The following BCAS3 variants were observed in gnomAD, a reference collection of about 807,000 sequenced individuals.
BCAS3 encodes the protein BCAS3 microtubule associated cell migration factor, also known as BCAS4/BCAS3 fusion.
In BCAS3, 53 loss-of-function variants were observed where a neutral mutation model predicts 116.1. The ratio of observed to expected loss-of-function variants is 0.46; its 90% CI spans 0.37 to 0.57. The LOEUF (loss-of-function observed/expected upper bound fraction) is 0.57, where lower values mean the gene tolerates loss of function less well. Ranked by LOEUF, BCAS3 falls within the 20% of genes least tolerant of loss-of-function variation. BCAS3 has a pLI of 0.00. For missense variants in BCAS3, 917 were observed against 1,165.4 expected (o/e 0.79, Z 3.10); for synonymous variants, 391 against 408.2 (o/e 0.96, Z 0.51).
chr17:61,026,761 G>C lies in BCAS3; in HGVS notation c.1638-7905G>C. The C allele has an allele frequency of 9.3e-7, 1 of 1,074,524 alleles. No individual in the cohort carries two copies. Among genetic ancestry groups the C allele is most frequent in the Non-Finnish European group, 1.4e-6 (1 of 724,948 alleles). The allele number at this position is 1,074,524 out of a possible 1,614,324, so 66.6% of individuals were successfully genotyped here. On this transcript the variant is annotated intron_variant, in intron 16 of 23. Transcript: ENST00000407086. The surrounding 1 kb of genome is among the most constrained non-coding windows in gnomAD (Gnocchi z 5.0). The stretch of plus-strand genomic sequence containing the variant: ...ATTGTAAATGATTACTAATTTTTTA[G>C]TTATTTTTATCCATACTCTATAACA...
chr17:61,205,865 G>A lies in BCAS3; in HGVS notation c.2425+121301G>A, dbSNP rs540363231. Among the ~76,000 whole-genome samples, 51 of 152,228 alleles carry A rather than the reference G, an allele frequency of 3.4e-4. No individual in the cohort carries two copies. Among genetic ancestry groups the A allele is most frequent in the African/African-American group, 9.1e-4 (38 of 41,538 alleles). ...TATTCTTAGGGTGTGAAACTGTTTC[G>A]GGAGCAAAAGATAAGGCAAACACAA... On this transcript the variant is annotated intron_variant, in intron 22 of 23. Coordinates refer to ENST00000407086, the MANE Select transcript of BCAS3 (RefSeq NM_017679.5). This position sits in a 1 kb window ranked among gnomAD's most constrained non-coding sequence, Gnocchi z 5.2.
intron 16 of BCAS3, among the ~76,000 whole-genome samples, chr17:61,031,656 G>C (rs1391001658): frequency 6.6e-6 from 1 of 151,972 alleles, no homozygotes; most frequent in Admixed American, 6.6e-5. Context: ...GAAATAACTT[G>C]ATATGAATGT....
chr17:60,799,708 C>CTTTTTTTTTTTTTTTTTT (rs67510415), intron 6 of BCAS3, among the ~76,000 whole-genome samples: 1 of 49,838 alleles, frequency 2.0e-5, no homozygotes, highest in African/African-American at 7.8e-5. Context: ...TTTTTCTTTT[C>CTTTTTTTTTTTTTTTTTT]TTTTTTTTTT....
chr17:61,170,143 C>T (rs1338058076), intron 22 of BCAS3, among the ~76,000 whole-genome samples: 12 of 151,996 alleles, frequency 7.9e-5, no homozygotes, highest in African/African-American at 2.2e-4. Context: ...TGTGAGTCAC[C>T]GCGCCCGGCT....
chr17:60,753,137 C>T (rs1437401291), intron 6 of BCAS3, among the ~76,000 whole-genome samples: 1 of 152,158 alleles, frequency 6.6e-6, no homozygotes, highest in African/African-American at 2.4e-5. Context: ...CCATTGTACC[C>T]ATATGTAATT....
chr17:61,233,510 AAC>A lies in BCAS3; in HGVS notation c.2426-134813_2426-134812del, dbSNP rs1428662420. Among the ~76,000 whole-genome samples the A allele has an allele frequency of 6.6e-6, 1 of 152,202 alleles. No individual in the cohort carries two copies. Among genetic ancestry groups the A allele is most frequent in the African/African-American group, 2.4e-5 (1 of 41,460 alleles). On this transcript the variant is annotated intron_variant, in intron 22 of 23. Transcript: ENST00000407086. The surrounding 1 kb of genome is among the most constrained non-coding windows in gnomAD (Gnocchi z 4.3). ...TTTTAAGTTGCTGTCTTGTGATCAA[AAC>A]ACAGTAAATGAAGGGCTTCCCTGAA... is the stretch of plus-strand genomic sequence containing the variant.
rs943436323 is a variant in BCAS3 at position 61,118,494 on chromosome 17, A to G, written c.2425+33930A>G. On this transcript the variant is annotated intron_variant, in intron 22 of 23. Transcript: ENST00000407086. The surrounding 1 kb of genome is among the most constrained non-coding windows in gnomAD (Gnocchi z 5.0). ...GTGTTAGGAGGTGGTTCTTGTTAAC[A>G]GCAGATAGGGATGAAAGTCCTGACT... Among the ~76,000 whole-genome samples, 2 of 152,172 alleles carry G rather than the reference A, an allele frequency of 1.3e-5. No homozygotes were observed. Among genetic ancestry groups the G allele is most frequent in the Non-Finnish European group, 1.5e-5 (1 of 68,030 alleles).
At chr17:60,776,706 G>A (rs2045322965) in intron 6 of BCAS3, among the ~76,000 whole-genome samples, 1 of 140,000 alleles carries the variant, frequency 7.1e-6, no homozygotes, top group Admixed American at 7.4e-5. Flanking sequence ...GTGATAGAGT[G>A]AGACTCCGTC....
intron 22 of BCAS3, among the ~76,000 whole-genome samples, chr17:61,308,624 G>A (rs553719247): frequency 6.6e-6 from 1 of 152,026 alleles, no homozygotes; most frequent in African/African-American, 2.4e-5. Flanking sequence ...GCAGAGGCAG[G>A]GGGGTGGGGG....
chr17:60,894,345 G>C (rs2057374947), intron 10 of BCAS3, among the ~76,000 whole-genome samples: 2 of 151,992 alleles, frequency 1.3e-5, no homozygotes. Flanking sequence ...TATTGTAAAT[G>C]TGATTGCCTC....
intron 22 of BCAS3, among the ~76,000 whole-genome samples, chr17:61,169,699 A>G (rs1299080520): frequency 6.6e-6 from 1 of 152,170 alleles, no homozygotes; most frequent in African/African-American, 2.4e-5. Context: ...AGACCATTTG[A>G]TTTTCAGACA....
chr17:60,858,577 A>G (rs2053879246), intron 7 of BCAS3, among the ~76,000 whole-genome samples: 1 of 152,120 alleles, frequency 6.6e-6, no homozygotes, highest in African/African-American at 2.4e-5. Flanking sequence ...ATGGACATTT[A>G]ATTGTTTCTA....
chr17:60,920,818 C>G (rs1336079368), intron 12 of BCAS3, among the ~76,000 whole-genome samples: 1 of 151,798 alleles, frequency 6.6e-6, no homozygotes. Context: ...TGCAGTGAAC[C>G]GAGATCATGC....
chr17:61,236,211 G>C (rs2083045160), intron 22 of BCAS3, among the ~76,000 whole-genome samples: 1 of 152,236 alleles, frequency 6.6e-6, no homozygotes, highest in African/African-American at 2.4e-5. Context: ...AGTTCATGAG[G>C]CAGTGGCATT....
chr17:61,287,795 A>G (rs1371059924), intron 22 of BCAS3, among the ~76,000 whole-genome samples: 1 of 152,242 alleles, frequency 6.6e-6, no homozygotes, highest in Non-Finnish European at 1.5e-5. Flanking sequence ...GACTTTCTGA[A>G]GAAAAAGCAG....
chr17:60,839,094 T>C (rs1015675111), intron 7 of BCAS3, among the ~76,000 whole-genome samples: 4 of 152,358 alleles, frequency 2.6e-5, no homozygotes, highest in Admixed American at 6.5e-5. Context: ...TGTATATATG[T>C]AAATAAACTG....
chr17:61,015,809 T>G lies in BCAS3; in HGVS notation c.1545T>G (p.Pro515=). The G allele has an allele frequency of 1.9e-6, 3 of 1,613,986 alleles. No homozygotes were observed. Among genetic ancestry groups the G allele is most frequent in the Non-Finnish European group, 2.5e-6 (3 of 1,179,928 alleles). The change falls in exon 16 of 24, where the codon CCT becomes CCG. Residue 515 remains proline (P), a synonymous_variant. Coordinates refer to ENST00000407086, the MANE Select transcript of BCAS3 (RefSeq NM_017679.5). ...TTACCAACAACAACCCTGGCAACCC[T>G]CGGCTCTCTCCTCTTCCCAGCTTGA... ...NNFTNNNPGN[P]RLSPLPSLMV... is the part of the protein sequence containing the mutation.
At chr17:61,330,966 G>A (rs1458450110) in intron 22 of BCAS3, among the ~76,000 whole-genome samples, 1 of 152,208 alleles carries the variant, frequency 6.6e-6, no homozygotes, top group East Asian at 1.9e-4. Context: ...ACCTCCCAAA[G>A]GGCCTCTCTG....
chr17:61,108,820 T>G (rs1217159489), intron 22 of BCAS3, among the ~76,000 whole-genome samples: 1 of 152,160 alleles, frequency 6.6e-6, no homozygotes, highest in African/African-American at 2.4e-5. Context: ...CTTGGCGTCC[T>G]CTTAGCTTAG....
Sources: gnomAD v4.1 joint callset for allele counts (sites outside exome capture counted in the v4.1 genomes callset) on GRCh38, gnomAD v4.1.1 for gene constraint, Gnocchi (gnomAD v3.1) non-coding constraint, MANE v1.5 for transcripts, NCBI Gene and HGNC (gene_info 2026-07-23, HGNC 2026-07-21) for gene names.